Variants in CHST11 observed in about 807,000 individuals in gnomAD.
CHST11 encodes the protein carbohydrate sulfotransferase 11.
A neutral mutation model predicts 30.4 loss-of-function variants in CHST11; 9 were observed. The observed-to-expected ratio is 0.30, with a 90% CI of 0.18 to 0.52. The LOEUF (loss-of-function observed/expected upper bound fraction) is 0.52, where lower values mean the gene tolerates loss of function less well. Among genes scored for constraint, CHST11 ranks in the 20% least tolerant of loss-of-function variants. The pLI is 0.97. For synonymous variants in CHST11, 152 were observed against 187.8 expected (o/e 0.81, Z 1.56); for missense variants, 348 against 460.6 (o/e 0.76, Z 2.24).
chr12:104,559,447 C>G (rs770215179), intron 1 of CHST11, among the ~76,000 whole-genome samples: 8 of 152,162 alleles, frequency 5.3e-5, no homozygotes, highest in Non-Finnish European at 1.0e-4. Context: ...GACAGACTGT[C>G]AACAAGTGAA....
intron 2 of CHST11, among the ~76,000 whole-genome samples, chr12:104,659,213 G>A (rs1308968537): frequency 1.3e-5 from 2 of 152,192 alleles, no homozygotes; most frequent in African/African-American, 4.8e-5. Context: ...ACTCTGCATT[G>A]ACTAGCTGTG....
rs1322036405 is a variant in CHST11, at chr12:104,458,604, T to TC, written c.118+1079dup. Among the ~76,000 whole-genome samples, 1 of 152,218 alleles carries TC rather than the reference T, an allele frequency of 6.6e-6. No individual in the cohort carries two copies. Among genetic ancestry groups the TC allele is most frequent in the Non-Finnish European group, 1.5e-5 (1 of 68,028 alleles). On this transcript the variant is annotated intron_variant, in intron 1 of 2. Coordinates refer to ENST00000303694, the MANE Select transcript of CHST11 (RefSeq NM_018413.6). This position sits in a 1 kb window ranked among gnomAD's most constrained non-coding sequence, Gnocchi z 5.7. The stretch of plus-strand genomic sequence containing the variant: ...AGAAGCCTTCCGGGTAACGCGGGTC[T>TC]CCCCGCCAAGCCGTGGCTCCCCTGC...
At chr12:104,513,916 G>T in intron 1 of CHST11, 1 of 490,372 alleles carries the variant, frequency 2.0e-6, no homozygotes, top group Non-Finnish European at 3.7e-6. Flanking sequence ...TGTTTGTGTT[G>T]CTATAAAGGA....
At chr12:104,626,102 C>G (rs1362708149) in intron 2 of CHST11, among the ~76,000 whole-genome samples, 2 of 152,154 alleles carry the variant, frequency 1.3e-5, no homozygotes, top group Non-Finnish European at 2.9e-5. Flanking sequence ...GGACACCAGC[C>G]TAAAACACGG....
intron 2 of CHST11, among the ~76,000 whole-genome samples, chr12:104,747,522 C>T (rs1462841328): frequency 6.6e-6 from 1 of 152,106 alleles, no homozygotes; most frequent in East Asian, 1.9e-4. Flanking sequence ...TAGCCCTTTT[C>T]ATGAGAGTTT....
At chr12:104,613,572 C>T (rs1427575001) in intron 2 of CHST11, among the ~76,000 whole-genome samples, 1 of 152,102 alleles carries the variant, frequency 6.6e-6, no homozygotes, top group East Asian at 1.9e-4. Context: ...GTAGCACCTC[C>T]CCCTTCTCTC....
chr12:104,701,741 A>G (rs530802332), intron 2 of CHST11, among the ~76,000 whole-genome samples: 15 of 152,068 alleles, frequency 9.9e-5, no homozygotes, highest in Admixed American at 5.9e-4. Context: ...TTACCAAGCC[A>G]TGGGAAGTAG....
At chr12:104,654,611 TG>T (rs1228463150) in intron 2 of CHST11, among the ~76,000 whole-genome samples, 1 of 152,032 alleles carries the variant, frequency 6.6e-6, no homozygotes, top group Non-Finnish European at 1.5e-5. Context: ...GCCATTCCTA[TG>T]GGGGGTAATG....
At chr12:104,513,491 G>A (rs983101858) in intron 1 of CHST11, among the ~76,000 whole-genome samples, 1 of 152,166 alleles carries the variant, frequency 6.6e-6, no homozygotes, top group Admixed American at 6.5e-5. Context: ...TAACCTTTGT[G>A]TGTTTATTAT....
intron 1 of CHST11, among the ~76,000 whole-genome samples, chr12:104,521,238 C>T (rs1349781926): frequency 1.3e-5 from 2 of 152,218 alleles, no homozygotes; most frequent in East Asian, 3.8e-4. Flanking sequence ...CACCTTTTCC[C>T]TTCCCATATA....
At chr12:104,643,353 G>T (rs561955978) in intron 2 of CHST11, among the ~76,000 whole-genome samples, 1 of 152,100 alleles carries the variant, frequency 6.6e-6, no homozygotes, top group Non-Finnish European at 1.5e-5. Context: ...ACAAAAAACC[G>T]CAAACCTTGT....
At chr12:104,507,723 T>G (rs760093128) in intron 1 of CHST11, among the ~76,000 whole-genome samples, 11 of 152,206 alleles carry the variant, frequency 7.2e-5, no homozygotes, top group Non-Finnish European at 1.6e-4. Flanking sequence ...CAGCTTCCTG[T>G]ATCTCTCTCA....
chr12:104,657,791 G>A (rs1445072234), intron 2 of CHST11, among the ~76,000 whole-genome samples: 3 of 152,164 alleles, frequency 2.0e-5, no homozygotes, highest in Admixed American at 1.3e-4. Flanking sequence ...CATTCTTGAG[G>A]GTCCCCAGGC....
At chr12:104,636,278 G>C (rs2039322543) in intron 2 of CHST11, among the ~76,000 whole-genome samples, 1 of 152,162 alleles carries the variant, frequency 6.6e-6, no homozygotes, top group Admixed American at 6.6e-5. Flanking sequence ...GGCCAGACTG[G>C]GTTCCTCTCT....
intron 2 of CHST11, among the ~76,000 whole-genome samples, chr12:104,737,095 C>T (rs1241745476): frequency 6.6e-6 from 1 of 152,234 alleles, no homozygotes; most frequent in Non-Finnish European, 1.5e-5. Context: ...AATTTTAAAA[C>T]TCCATAACAA....
intron 2 of CHST11, among the ~76,000 whole-genome samples, chr12:104,709,467 C>T (rs1566048062): frequency 6.6e-6 from 1 of 152,212 alleles, no homozygotes; most frequent in Non-Finnish European, 1.5e-5. Context: ...GCAAAGCATG[C>T]TGGAGATTTC....
chr12:104,534,770 T>G (rs1242707901), intron 1 of CHST11, among the ~76,000 whole-genome samples: 1 of 152,198 alleles, frequency 6.6e-6, no homozygotes, highest in Non-Finnish European at 1.5e-5. Context: ...GTAGGCTGAT[T>G]TCTTGGGAGC....
chr12:104,622,058 C>T (rs779596008), intron 2 of CHST11, among the ~76,000 whole-genome samples: 10 of 152,188 alleles, frequency 6.6e-5, no homozygotes, highest in Admixed American at 3.3e-4. Context: ...CCGGCAACCC[C>T]GGTGACCCCC....
intron 2 of CHST11, among the ~76,000 whole-genome samples, chr12:104,690,698 A>G (rs777478367): frequency 6.6e-6 from 1 of 152,210 alleles, no homozygotes; most frequent in Non-Finnish European, 1.5e-5. Context: ...GCATGGGGGC[A>G]TACGCCTGTG....
Sources: gnomAD v4.1 joint callset for allele counts (sites outside exome capture counted in the v4.1 genomes callset) on GRCh38, gnomAD v4.1.1 for gene constraint, Gnocchi (gnomAD v3.1) non-coding constraint, MANE v1.5 for transcripts, NCBI Gene and HGNC (gene_info 2026-07-23, HGNC 2026-07-21) for gene names.